Variants in SANBR observed in about 807,000 individuals in gnomAD.
SANBR encodes the protein SANT and BTB domain regulator of CSR.
Under a neutral mutation model 101.8 loss-of-function variants are expected in SANBR, and 77 were observed. The observed-to-expected ratio is 0.76, with a 90% confidence interval of 0.63 to 0.91. SANBR has a LOEUF of 0.91. SANBR is among the 40% of genes least tolerant of loss of function. SANBR has a pLI of 0.00. For synonymous variants in SANBR, 279 were observed against 274.7 expected (o/e 1.02, Z -0.15); for missense variants, 875 against 853.0 (o/e 1.03, Z -0.32).
Position 61,070,486 on chromosome 2 carries a change from T to G in SANBR, c.136T>G (p.Leu46Val). 1 of 1,606,744 alleles carries G rather than the reference T, an allele frequency of 6.2e-7. No individual in the cohort carries two copies. The highest frequency in any genetic ancestry group is 8.5e-7 in the Non-Finnish European group (1 of 1,177,548). ...AACTATAGCAAGGCTCGTGCCTGGATTAACACCAAAAGAGGTAAATAACAG... is the reference window on the plus strand; with the variant it reads ...AACTATAGCAAGGCTCGTGCCTGGAGTAACACCAAAAGAGGTAAATAACAG... ...WETIARLVPG[L>V]TPKECAKRFD... Residue 46 changes from leucine (L) to valine (V), a missense_variant, in exon 3 of 22, where the codon TTA (leucine) becomes GTA (valine). By Grantham distance (32) the Leu-to-Val change is conservative (BLOSUM62 1). Transcript: ENST00000402291.
intron 16 of SANBR, among the ~76,000 whole-genome samples, chr2:61,111,380 G>A (rs534557938): frequency 1.3e-5 from 2 of 152,264 alleles, no homozygotes; most frequent in East Asian, 1.9e-4. Flanking sequence ...GCGACAGAGC[G>A]AGACTCCGTC....
chr2:61,118,958 T>C (rs1684209581), intron 20 of SANBR, among the ~76,000 whole-genome samples: 1 of 152,204 alleles, frequency 6.6e-6, no homozygotes, highest in African/African-American at 2.4e-5. Flanking sequence ...AGGTCATCTA[T>C]AACACATATA....
At position 61,088,762 on chromosome 2, in the gene SANBR, GC is replaced by G. The variant is rs968886217; in HGVS notation, c.1088+297del. The G allele has an allele frequency of 1.6e-5, 9 of 547,232 alleles. No individual in the cohort carries two copies. In the African/African-American group the frequency reaches 1.8e-4, roughly 11 times the overall value. 33.9% of individuals were successfully genotyped at this position (547,232 alleles called of 1,614,324 possible). A position where few individuals can be genotyped will look rare whatever the true frequency, so the allele number is the denominator to read the frequency against. ...TCTCGAACTCCTGACCTCATGATTTGCCCGCCTTGGCCTCCCAAAGTACTGG... is the reference window on the plus strand; with the variant it reads ...TCTCGAACTCCTGACCTCATGATTTGCCGCCTTGGCCTCCCAAAGTACTGG... On this transcript the variant is annotated intron_variant, in intron 10 of 21. Transcript: ENST00000402291.
At chr2:61,076,647 GAAAAA>G (rs1681800362) in intron 5 of SANBR, among the ~76,000 whole-genome samples, 1 of 148,588 alleles carries the variant, frequency 6.7e-6, no homozygotes, top group Admixed American at 6.7e-5. Flanking sequence ...AAAAAAGAAA[GAAAAA>G]GAAATTAGAA....
intron 20 of SANBR, chr2:61,134,013 T>C: frequency 1.4e-6 from 2 of 1,436,656 alleles, no homozygotes; most frequent in South Asian, 1.3e-5. Context: ...GTAATAGAAA[T>C]ATAACCCACA....
chr2:61,088,806 A>AT, intron 10 of SANBR: 3 of 961,798 alleles, frequency 3.1e-6, no homozygotes, highest in Non-Finnish European at 3.7e-6. Context: ...GGTGTGAGCC[A>AT]CCGCTCCCAG....
chr2:61,091,157 T>G (rs1424340796), intron 10 of SANBR, among the ~76,000 whole-genome samples: 1 of 152,122 alleles, frequency 6.6e-6, no homozygotes, highest in African/African-American at 2.4e-5. Flanking sequence ...TAGAAAAGAT[T>G]GAAATAAAGA....
At chr2:61,111,564 G>C (rs1200427707) in intron 16 of SANBR, among the ~76,000 whole-genome samples, 1 of 152,094 alleles carries the variant, frequency 6.6e-6, no homozygotes, top group Non-Finnish European at 1.5e-5. Context: ...TCAACAGTTT[G>C]ATTGAGGTAT....
chr2:61,089,685 A>G (rs1396083856), intron 10 of SANBR: 2 of 152,152 alleles, frequency 1.3e-5, no homozygotes, highest in African/African-American at 4.8e-5. Flanking sequence ...CAAATAAATA[A>G]AATAAATAAA....
intron 4 of SANBR, among the ~76,000 whole-genome samples, chr2:61,072,013 C>T (rs556027103): frequency 6.6e-6 from 1 of 152,286 alleles, no homozygotes; most frequent in African/African-American, 2.4e-5. Flanking sequence ...TCTCAGCTCA[C>T]TGCAACCTCC....
chr2:61,122,020 G>T (rs746749158), intron 21 of SANBR, 106 bp from the exon 22 acceptor site: 25 of 1,433,502 alleles, frequency 1.7e-5, no homozygotes, highest in Non-Finnish European at 2.3e-5. Flanking sequence ...GCTGCAAGAA[G>T]ATTTATTAAA....
chr2:61,120,026 C>G (rs1030344402), intron 20 of SANBR, among the ~76,000 whole-genome samples: 3 of 152,082 alleles, frequency 2.0e-5, no homozygotes, highest in Non-Finnish European at 4.4e-5. Flanking sequence ...TCATATATAG[C>G]TAGTAGAAAT....
chr2:61,119,749 C>T (rs1395349438), intron 20 of SANBR, among the ~76,000 whole-genome samples: 3 of 151,496 alleles, frequency 2.0e-5, no homozygotes, highest in Admixed American at 6.6e-5. Context: ...CTTGAACCCA[C>T]GAGTTTGAGA....
rs143782248 is a variant in SANBR at position 61,094,123 on chromosome 2, C to A, written c.1212+1536C>A. 5.2e-4 allele frequency: 504 copies of A among 968,986 alleles called. 5 individuals carry two copies. In the African/African-American group the frequency reaches 8.4e-3, roughly 16 times the overall value. The allele number at this position is 968,986 out of a possible 1,614,324, so 60.0% of individuals were successfully genotyped here. ...CCACTCAATGGGTTCTGTGTTCCCA[C>A]AATTTTAAAAAGGTTTGTTGAAGTA... On this transcript the variant is annotated intron_variant, in intron 11 of 21. Coordinates refer to ENST00000402291, the MANE Select transcript of SANBR (RefSeq NM_001129993.3).
Position 61,069,172 on chromosome 2 carries a change from G to A in SANBR, c.-10+187G>A, listed in dbSNP as rs769072664. ...ATTATAATTAACATTTATTGAGAGC[G>A]TACCACATTCACGACCCCTGTGCTG... On this transcript the variant is annotated intron_variant, in intron 2 of 21. Transcript: ENST00000402291. Among the ~76,000 whole-genome samples the A allele has an allele frequency of 7.9e-5, 12 of 152,202 alleles. No individual in the cohort carries two copies. The South Asian group carries it at 1.5e-3, about 18-fold the overall frequency.
chr2:61,075,808 C>A (rs1420228010), intron 5 of SANBR, among the ~76,000 whole-genome samples: 4 of 151,624 alleles, frequency 2.6e-5, no homozygotes, highest in Non-Finnish European at 5.9e-5. Context: ...TCATTTGATT[C>A]TTTAGTGAAG....
chr2:61,081,333 T>A, intron 6 of SANBR, 119 bp from the exon 7 acceptor site: 1 of 1,011,284 alleles, frequency 9.9e-7, no homozygotes, highest in East Asian at 3.0e-5. Context: ...TAAGCTATAA[T>A]AAGATTGTAT....
intron 11 of SANBR, among the ~76,000 whole-genome samples, chr2:61,092,890 T>A (rs928923283): frequency 3.3e-5 from 5 of 151,686 alleles, no homozygotes; most frequent in Non-Finnish European, 5.9e-5. Flanking sequence ...TTCCAGCACT[T>A]TGGGAGGCCG....
Position 61,088,255 on chromosome 2 carries a change from CAT to C in SANBR, c.977+11_977+12del. 6.3e-7 allele frequency: 1 copy of C among 1,593,238 alleles called. No individual in the cohort carries two copies. The highest frequency in any genetic ancestry group is 8.6e-7 in the Non-Finnish European group (1 of 1,169,564). On this transcript the variant is annotated intron_variant, in intron 9 of 21. Transcript: ENST00000402291. ...CAGCAACATTGTATAGGTATGCTAACATGTTTTTTTCTTTGGTGTACTTTATA... is the reference window on the plus strand; with the variant it reads ...CAGCAACATTGTATAGGTATGCTAACGTTTTTTTCTTTGGTGTACTTTATA...
Sources: allele counts gnomAD v4.1 joint callset (sites outside exome capture counted in the v4.1 genomes callset), GRCh38; gene constraint gnomAD v4.1.1; transcripts MANE v1.5; gene names NCBI Gene and HGNC (gene_info 2026-07-23, HGNC 2026-07-21).